The following GNAS-AS1 variants were observed in gnomAD, a reference collection of about 807,000 sequenced individuals.
GNAS-AS1 encodes GNAS antisense RNA 1 (non-protein coding).
chr20:58,838,916 CAAAA>C (rs766172876), intron 4 of GNAS-AS1: 1,332 of 250,112 alleles, frequency 5.3e-3, no homozygotes, highest in East Asian at 5.8e-3. Flanking sequence ...GATTCTGTCT[CAAAA>C]AAAAAAAAAA....
chr20:58,819,700 A>G (rs2085472434), intron 4 of GNAS-AS1, among the ~76,000 whole-genome samples: 1 of 152,180 alleles, frequency 6.6e-6, no homozygotes. Context: ...AGGCAGGGCT[A>G]TGGTGCTCCA....
intron 4 of GNAS-AS1, chr20:58,836,213 A>G (rs748489674): frequency 2.6e-5 from 4 of 152,196 alleles, no homozygotes; most frequent in East Asian, 3.8e-4. Flanking sequence ...CACACCACGA[A>G]AAACATCTCC....
chr20:58,828,224 ATT>A (rs2085533225), intron 4 of GNAS-AS1, among the ~76,000 whole-genome samples: 1 of 152,222 alleles, frequency 6.6e-6, no homozygotes, highest in Non-Finnish European at 1.5e-5. Context: ...GGTATAGTCT[ATT>A]TCTACCTTCC....
intron 1 of GNAS-AS1, among the ~76,000 whole-genome samples, chr20:58,849,404 T>C (rs2086063878): frequency 1.3e-5 from 2 of 152,224 alleles, no homozygotes; most frequent in South Asian, 4.1e-4. Context: ...AAGATTCTAT[T>C]ACCAAATGTA....
intron 1 of GNAS-AS1, chr20:58,848,990 C>A: frequency 5.0e-6 from 2 of 398,316 alleles, no homozygotes; most frequent in South Asian, 2.6e-4. Context: ...TCTTCCTAGT[C>A]TTAATTTATC....
chr20:58,845,509 C>T (rs1378098652), intron 2 of GNAS-AS1, among the ~76,000 whole-genome samples: 1 of 152,126 alleles, frequency 6.6e-6, no homozygotes, highest in Non-Finnish European at 1.5e-5. Context: ...CTCCATCATA[C>T]ATGCATGGGA....
At chr20:58,845,013 G>A (rs528989258) in intron 2 of GNAS-AS1, among the ~76,000 whole-genome samples, 25 of 144,512 alleles carry the variant, frequency 1.7e-4, no homozygotes, top group African/African-American at 5.7e-4. Flanking sequence ...CATCCTGAGA[G>A]TCGTATTTAG....
In GNAS-AS1 at chr20:58,841,905, C is replaced by T. The variant is rs1350843959; in HGVS notation, n.819+32G>A. The T allele has an allele frequency of 1.6e-6, 2 of 1,227,976 alleles. No homozygotes were observed. Among genetic ancestry groups the T allele is most frequent in the East Asian group, 6.3e-5 (2 of 31,702 alleles). 76.1% of individuals were successfully genotyped at this position (1,227,976 alleles called of 1,614,324 possible). A position where few individuals can be genotyped will look rare whatever the true frequency, so the allele number is the denominator to read the frequency against. On this transcript the variant is annotated intron_variant and non_coding_transcript_variant, in intron 4 of 4. Coordinates refer to ENST00000424094, the Ensembl canonical transcript of GNAS-AS1. The surrounding 1 kb of genome is among the most constrained non-coding windows in gnomAD (Gnocchi z 5.0). ...AGCGGAACAAGGGACAGGCTGGAGA[C>T]GGGGGTCGCGTCTAACATCAGGATA...
intron 4 of GNAS-AS1, among the ~76,000 whole-genome samples, chr20:58,838,283 G>A (rs939968546): frequency 6.6e-6 from 1 of 152,110 alleles, no homozygotes; most frequent in Non-Finnish European, 1.5e-5. Context: ...CCTCCTGTAG[G>A]CCATCATTTG....
chr20:58,849,596 C>G (rs1317656799), intron 1 of GNAS-AS1, among the ~76,000 whole-genome samples: 1 of 152,208 alleles, frequency 6.6e-6, no homozygotes, highest in East Asian at 1.9e-4. Flanking sequence ...AAAACCAAAT[C>G]AGCACTGCCA....
Position 58,841,603 on chromosome 20 carries a change from T to G in GNAS-AS1, n.819+334A>C. ...GGGACAGAGACCGCCTCAAAGAGCGTGCGCACCTGCCCGCGCGCGCCGGAG... is the reference window on the plus strand; with the variant it reads ...GGGACAGAGACCGCCTCAAAGAGCGGGCGCACCTGCCCGCGCGCGCCGGAG... On this transcript the variant is annotated intron_variant and non_coding_transcript_variant, in intron 4 of 4. Transcript: ENST00000424094. The surrounding 1 kb of genome is among the most constrained non-coding windows in gnomAD (Gnocchi z 5.0). 1 of 1,026,730 alleles carries G rather than the reference T, an allele frequency of 9.7e-7. No individual in the cohort carries two copies. Among genetic ancestry groups the G allele is most frequent in the Non-Finnish European group, 1.2e-6 (1 of 857,366 alleles). 63.6% of individuals were successfully genotyped at this position (1,026,730 alleles called of 1,614,324 possible). A position where few individuals can be genotyped will look rare whatever the true frequency, so the allele number is the denominator to read the frequency against.
intron 2 of GNAS-AS1, among the ~76,000 whole-genome samples, chr20:58,843,144 T>C (rs112822366): frequency 1.1e-3 from 160 of 152,080 alleles, no homozygotes; most frequent in African/African-American, 3.7e-3. Context: ...TACAGCCCAA[T>C]TGTAAAAACC....
At chr20:58,825,401 G>A (rs927630056) in intron 4 of GNAS-AS1, among the ~76,000 whole-genome samples, 2 of 152,212 alleles carry the variant, frequency 1.3e-5, no homozygotes, top group African/African-American at 4.8e-5. Context: ...GATCAAGGAG[G>A]TGCTCAGGGC....
chr20:58,830,144 A>G (rs1200351542), intron 4 of GNAS-AS1, among the ~76,000 whole-genome samples: 1 of 150,912 alleles, frequency 6.6e-6, no homozygotes, highest in Non-Finnish European at 1.5e-5. Context: ...TACCACCACC[A>G]TACCACCACC....
At chr20:58,831,975 C>T (rs79689280) in intron 4 of GNAS-AS1, among the ~76,000 whole-genome samples, 4 of 152,122 alleles carry the variant, frequency 2.6e-5, no homozygotes, top group East Asian at 3.8e-4. Context: ...ATTTGGGAAC[C>T]GCTGACTTAG....
intron 4 of GNAS-AS1, among the ~76,000 whole-genome samples, chr20:58,833,039 G>A (rs542743525): frequency 6.6e-6 from 1 of 152,360 alleles, no homozygotes; most frequent in Admixed American, 6.5e-5. Context: ...TCTCCACCAG[G>A]TGCCCAGGCA....
rs1490988277 is a variant in GNAS-AS1, at chr20:58,819,132, C to T, written n.943G>A. The T allele has an allele frequency of 7.5e-6, 3 of 398,546 alleles. No individual in the cohort carries two copies. The East Asian group carries it at 1.1e-4, about 14-fold the overall frequency. 24.7% of individuals were successfully genotyped at this position (398,546 alleles called of 1,614,324 possible). ...CTTTCTTTCAGAGGGCAAAGGTTAA[C>T]TCCCATCTAGAAGAGGTTGAAGTAC... On this transcript the variant is annotated non_coding_transcript_exon_variant, in exon 5 of 5. Transcript: ENST00000424094.
chr20:58,840,853 G>A lies in GNAS-AS1; in HGVS notation n.819+1084C>T. The A allele has an allele frequency of 1.2e-6, 2 of 1,612,760 alleles. No homozygotes were observed. Among genetic ancestry groups the A allele is most frequent in the Non-Finnish European group, 1.7e-6 (2 of 1,179,886 alleles). ...CCATCCGGCGTCACTAATGGAGGAC[G>A]CCGTCCAGATTCTCCTTGTTTTCAT... is the stretch of plus-strand genomic sequence containing the variant. On this transcript the variant is annotated intron_variant and non_coding_transcript_variant, in intron 4 of 4. Transcript: ENST00000424094. The surrounding 1 kb of genome is among the most constrained non-coding windows in gnomAD (Gnocchi z 6.0).
intron 4 of GNAS-AS1, among the ~76,000 whole-genome samples, chr20:58,826,471 G>A (rs958349089): frequency 6.6e-6 from 1 of 152,156 alleles, no homozygotes; most frequent in African/African-American, 2.4e-5. Flanking sequence ...GCAGGGGGAG[G>A]GTTTGGGGCC....
Sources: allele counts gnomAD v4.1 joint callset (sites outside exome capture counted in the v4.1 genomes callset), GRCh38; gene constraint gnomAD v4.1.1; non-coding constraint Gnocchi (gnomAD v3.1); transcripts MANE v1.5; gene names NCBI Gene and HGNC (gene_info 2026-07-23, HGNC 2026-07-21).